VAV3: variants seen among roughly 807,000 people sequenced by gnomAD.
VAV3 encodes vav guanine nucleotide exchange factor 3.
A neutral mutation model predicts 131.2 loss-of-function variants in VAV3; 94 were observed. The ratio of observed to expected loss-of-function variants is 0.72; its 90% CI spans 0.61 to 0.85. The LOEUF is 0.85. Among genes scored for constraint, VAV3 ranks in the 40% least tolerant of loss-of-function variants. VAV3 has a pLI of 0.00. For synonymous variants in VAV3, 349 were observed against 342.0 expected (o/e 1.02, Z -0.22); for missense variants, 939 against 1,002.7 (o/e 0.94, Z 0.86).
Position 107,933,399 on chromosome 1 carries a change from C to A in VAV3, c.204+31267G>T, listed in dbSNP as rs116220831. ...ATTGCTCTTGAAAATCTGACCATTT[C>A]AAATTCTGAATATAAATGTCCTCAG... On this transcript the variant is annotated intron_variant, in intron 1 of 26. Coordinates refer to ENST00000370056, the MANE Select transcript of VAV3 (RefSeq NM_006113.5). Among the ~76,000 whole-genome samples the A allele has an allele frequency of 9.8e-3, 1,496 of 152,002 alleles. 24 individuals are homozygous for A. Among genetic ancestry groups the A allele is most frequent in the African/African-American group, 0.033 (1,388 of 41,464 alleles).
chr1:107,892,726 C>T (rs984844653), intron 1 of VAV3, among the ~76,000 whole-genome samples: 2 of 152,074 alleles, frequency 1.3e-5, no homozygotes, highest in South Asian at 2.1e-4. Context: ...ATTATTTTGT[C>T]AGTGAATATT....
intron 25 of VAV3, among the ~76,000 whole-genome samples, chr1:107,588,165 C>A (rs1244148406): frequency 6.6e-6 from 1 of 152,030 alleles, no homozygotes; most frequent in South Asian, 2.1e-4. Context: ...CCTGAAGTAA[C>A]TAAATAAAAA....
intron 21 of VAV3, among the ~76,000 whole-genome samples, chr1:107,615,351 G>A (rs111519631): frequency 0.031 from 4,729 of 152,266 alleles, 253 homozygotes; most frequent in African/African-American, 0.11. Flanking sequence ...TCACTTGTAA[G>A]TGGCAGCTAA....
rs139988041 is a variant in VAV3 at position 107,618,929 on chromosome 1, A to C, written c.1915-1297T>G. Among the ~76,000 whole-genome samples the C allele has an allele frequency of 2.7e-3, 411 of 152,314 alleles. 2 individuals carry two copies. The highest frequency in any genetic ancestry group is 6.8e-3 in the Middle Eastern group (2 of 294). Reference sequence around the variant, plus strand: ...GGTGTTGTATGTTTTAGAAGACTTAAACTTGCACCAATGTGGAATATGGCT... The same window carrying C: ...GGTGTTGTATGTTTTAGAAGACTTACACTTGCACCAATGTGGAATATGGCT... On this transcript the variant is annotated intron_variant, in intron 20 of 26. Coordinates refer to ENST00000370056, the MANE Select transcript of VAV3 (RefSeq NM_006113.5).
Position 107,757,193 on chromosome 1 carries a change from A to G in VAV3, c.1086+68T>C, listed in dbSNP as rs56357780. The G allele has an allele frequency of 2.2e-4, 249 of 1,146,960 alleles. No individual in the cohort carries two copies. In the East Asian group the frequency reaches 6.0e-3, roughly 27 times the overall value. The allele number at this position is 1,146,960 out of a possible 1,614,324, so 71.0% of individuals were successfully genotyped here. On this transcript the variant is annotated intron_variant, in intron 11 of 26. Coordinates refer to ENST00000370056, the MANE Select transcript of VAV3 (RefSeq NM_006113.5). ...TGTGTGTGTGTGTGTGTGTGTATGC[A>G]ATTTGAATTCCATTGTCTTTAGGCA...
At chr1:107,783,892 C>CAA (rs55821232) in intron 2 of VAV3, among the ~76,000 whole-genome samples, 14,765 of 107,736 alleles carry the variant, frequency 0.14, 970 homozygotes, top group Non-Finnish European at 0.16. Context: ...ACTAAAAATA[C>CAA]AAAAAAAAAA....
rs764749490 is a variant in VAV3, at chr1:107,785,433, G to A, written c.322-5941C>T. On this transcript the variant is annotated intron_variant, in intron 2 of 26. Transcript: ENST00000370056. ...AGTAACAACAACCTGGGTTCAAAAG[G>A]AATTCCGAGGGAAAGGGTACTTACA... The A allele has an allele frequency of 1.1e-5, 14 of 1,332,624 alleles. No individual in the cohort carries two copies. In the South Asian group the frequency reaches 1.6e-4, roughly 15 times the overall value. 82.5% of individuals were successfully genotyped at this position (1,332,624 alleles called of 1,614,324 possible). A position where few individuals can be genotyped will look rare whatever the true frequency, so the allele number is the denominator to read the frequency against.
At chr1:107,861,355 A>G (rs1401384427) in intron 2 of VAV3, among the ~76,000 whole-genome samples, 1 of 151,594 alleles carries the variant, frequency 6.6e-6, no homozygotes, top group African/African-American at 2.4e-5. Flanking sequence ...AACTTTGCTA[A>G]AATTCTAAAT....
chr1:107,617,719 T>C (rs1158446758), intron 20 of VAV3, 87 bp from the exon 21 acceptor site: 34 of 1,165,118 alleles, frequency 2.9e-5, no homozygotes, highest in Non-Finnish European at 4.1e-5. Flanking sequence ...CACTGTTACT[T>C]AGGATCCTTA....
At chr1:107,609,859 C>A in intron 22 of VAV3, 72 bp downstream of exon 22, 1 of 1,479,252 alleles carries the variant, frequency 6.8e-7, no homozygotes, top group Non-Finnish European at 9.4e-7. Flanking sequence ...TTTACTACCC[C>A]CACATTTAAG....
At chr1:107,713,905 C>CA (rs1383176295) in intron 15 of VAV3, among the ~76,000 whole-genome samples, 3 of 152,024 alleles carry the variant, frequency 2.0e-5, no homozygotes, top group Non-Finnish European at 4.4e-5. Context: ...TTTGGCTAGT[C>CA]AAATATCTTT....
At chr1:107,792,180 C>T (rs1223366289) in intron 2 of VAV3, among the ~76,000 whole-genome samples, 1 of 152,208 alleles carries the variant, frequency 6.6e-6, no homozygotes, top group East Asian at 1.9e-4. Context: ...CTAAACTCAT[C>T]TGTTACTCAC....
chr1:107,941,116 G>A (rs1419072230), intron 1 of VAV3, among the ~76,000 whole-genome samples: 47 of 152,192 alleles, frequency 3.1e-4, no homozygotes, highest in Non-Finnish European at 1.5e-4. Flanking sequence ...CCTGGCATTT[G>A]GAGCATCACT....
intron 15 of VAV3, among the ~76,000 whole-genome samples, chr1:107,730,441 C>A (rs1570846112): frequency 6.6e-6 from 1 of 152,158 alleles, no homozygotes; most frequent in Non-Finnish European, 1.5e-5. Flanking sequence ...AAAATCTTAT[C>A]TAAATAACTG....
chr1:107,601,318 A>G (rs1412456311), intron 24 of VAV3, among the ~76,000 whole-genome samples: 1 of 151,924 alleles, frequency 6.6e-6, no homozygotes, highest in Non-Finnish European at 1.5e-5. Flanking sequence ...ATCCATAGAG[A>G]TTTTCTTATT....
chr1:107,751,082 T>C (rs539815567), intron 13 of VAV3, 35 bp downstream of exon 13: 1 of 1,581,850 alleles, frequency 6.3e-7, no homozygotes, highest in East Asian at 2.2e-5. Flanking sequence ...TGACACTAAT[T>C]ACTTATTTTG....
intron 15 of VAV3, among the ~76,000 whole-genome samples, chr1:107,724,398 T>C (rs1346182902): frequency 6.6e-6 from 1 of 152,160 alleles, no homozygotes; most frequent in Non-Finnish European, 1.5e-5. Flanking sequence ...TCTTATACTA[T>C]TATTCAGCTG....
chr1:107,948,020 A>G (rs1054699513), intron 1 of VAV3, among the ~76,000 whole-genome samples: 2 of 152,220 alleles, frequency 1.3e-5, no homozygotes, highest in Admixed American at 6.5e-5. Context: ...CTGGCTTAAA[A>G]TAGCAAAACT....
chr1:107,587,151 G>C (rs1650565958), intron 25 of VAV3, among the ~76,000 whole-genome samples: 1 of 152,166 alleles, frequency 6.6e-6, no homozygotes. Context: ...ACGTGAGTAT[G>C]ATATAGTATT....
Sources: gnomAD v4.1 joint callset for allele counts (sites outside exome capture counted in the v4.1 genomes callset) on GRCh38, gnomAD v4.1.1 for gene constraint, MANE v1.5 for transcripts, NCBI Gene and HGNC (gene_info 2026-07-23, HGNC 2026-07-21) for gene names.